Variants in RARB observed in about 807,000 individuals in gnomAD.
RARB encodes the protein retinoic acid receptor beta, also known as HBV-activated protein.
Under a neutral mutation model 51.9 loss-of-function variants are expected in RARB, and 17 were observed. That is an observed-to-expected ratio of 0.33 (90% confidence interval 0.22 to 0.49). RARB has a LOEUF of 0.49. Ranked by LOEUF, RARB falls within the 20% of genes least tolerant of loss-of-function variation. The pLI is 0.99. For synonymous variants in RARB, 215 were observed against 195.4 expected (o/e 1.10, Z -0.84); for missense variants, 369 against 550.8 (o/e 0.67, Z 3.30).
chr3:25,527,115 G>A (rs1334335593), intron 3 of RARB, among the ~76,000 whole-genome samples: 2 of 152,172 alleles, frequency 1.3e-5, no homozygotes, highest in Non-Finnish European at 2.9e-5. Context: ...TTGATAAAAT[G>A]CACATTCTGA....
intron 2 of RARB, among the ~76,000 whole-genome samples, chr3:25,028,857 G>A (rs1697808201): frequency 6.6e-6 from 1 of 152,184 alleles, no homozygotes; most frequent in African/African-American, 2.4e-5. Context: ...GCTTTTACTT[G>A]TCCCGTTCTG....
intron 1 of RARB, among the ~76,000 whole-genome samples, chr3:25,446,414 C>T (rs774959370): frequency 1.3e-5 from 2 of 152,228 alleles, no homozygotes; most frequent in Non-Finnish European, 2.9e-5. Flanking sequence ...CCATGGGGGG[C>T]AGAGTTGAAT....
At position 24,977,113 on chromosome 3, in the gene RARB, G is replaced by T. The variant is rs1018965273; in HGVS notation, c.-379-83012G>T. Among the ~76,000 whole-genome samples the T allele has an allele frequency of 3.9e-5, 6 of 152,014 alleles. No individual in the cohort carries two copies. The East Asian group carries it at 7.7e-4, about 20-fold the overall frequency. On this transcript the variant is annotated intron_variant, in intron 2 of 11. Coordinates refer to the RARB transcript ENST00000383772. ...TTTGAGGCCTCTGTTCTGTTCCATT[G>T]GTCTATATATCTGTTTTGGTACCGG...
intron 2 of RARB, among the ~76,000 whole-genome samples, chr3:24,993,806 T>A (rs924840813): frequency 6.6e-6 from 1 of 152,160 alleles, no homozygotes; most frequent in Non-Finnish European, 1.5e-5. Context: ...GATCCTCCAG[T>A]TCCATTCATT....
At chr3:25,406,335 T>G (rs1256578158) in intron 5 of RARB, among the ~76,000 whole-genome samples, 1 of 152,222 alleles carries the variant, frequency 6.6e-6, no homozygotes, top group Non-Finnish European at 1.5e-5. Flanking sequence ...ATTTGTCTGC[T>G]CAGGCTGCCG....
intron 2 of RARB, among the ~76,000 whole-genome samples, chr3:25,480,212 G>A (rs2364120): frequency 0.94 from 143,048 of 152,336 alleles, 67,249 homozygotes; most frequent in East Asian, 1. Flanking sequence ...GTAATAACAT[G>A]TGAGCACTGG....
At chr3:24,911,958 C>CAGT (rs1454157647) in intron 2 of RARB, among the ~76,000 whole-genome samples, 13 of 152,162 alleles carry the variant, frequency 8.5e-5, no homozygotes, top group African/African-American at 3.1e-4. Flanking sequence ...GGTGACAACA[C>CAGT]AGTACATAGG....
chr3:24,908,028 A>C (rs17015442), intron 2 of RARB, among the ~76,000 whole-genome samples: 2,073 of 152,208 alleles, frequency 0.014, 49 homozygotes, highest in African/African-American at 0.048. Context: ...CTTTATCAAC[A>C]TCCCAGAGAC....
rs7612585 is a variant in RARB, at chr3:25,206,586, C to T, written c.178+32011C>T. Among the ~76,000 whole-genome samples, 1,406 of 152,240 alleles carry T rather than the reference C, an allele frequency of 9.2e-3. 21 individuals carry two copies. The highest frequency in any genetic ancestry group is 0.033 in the African/African-American group (1,356 of 41,526). ...CATCTACCCATTTCAGATCATTTAT[C>T]TTTCTAAGCTTCCCGTGTGCTTGAG... On this transcript the variant is annotated intron_variant, in intron 5 of 11. Coordinates refer to the RARB transcript ENST00000383772.
chr3:25,257,673 C>T (rs2125405144), intron 5 of RARB, among the ~76,000 whole-genome samples: 1 of 152,228 alleles, frequency 6.6e-6, no homozygotes, highest in Admixed American at 6.5e-5. Context: ...CCTGATGCCT[C>T]CGCTCCTTCC....
intron 2 of RARB, among the ~76,000 whole-genome samples, chr3:25,042,268 C>T (rs1575132503): frequency 6.6e-6 from 1 of 152,172 alleles, no homozygotes; most frequent in Non-Finnish European, 1.5e-5. Context: ...ACTTGTTCAT[C>T]AACAGGTCTA....
intron 6 of RARB, among the ~76,000 whole-genome samples, chr3:25,593,956 TC>T (rs994145953): frequency 6.6e-6 from 1 of 152,152 alleles, no homozygotes; most frequent in Non-Finnish European, 1.5e-5. Context: ...AGATTTTTTT[TC>T]TTAAAGGCAG....
intron 4 of RARB, among the ~76,000 whole-genome samples, chr3:25,573,033 C>T (rs1394874630): frequency 6.6e-6 from 1 of 152,168 alleles, no homozygotes; most frequent in African/African-American, 2.4e-5. Context: ...TCCCTCACCA[C>T]TGATGAGCAG....
At chr3:24,921,976 C>A (rs533990201) in intron 2 of RARB, among the ~76,000 whole-genome samples, 1 of 152,160 alleles carries the variant, frequency 6.6e-6, no homozygotes, top group Non-Finnish European at 1.5e-5. Context: ...CAGATCTCAG[C>A]GGACAGTACT....
At position 25,093,726 on chromosome 3, in the gene RARB, A is replaced by G. The variant is rs146047549; in HGVS notation, c.-328+33550A>G. On this transcript the variant is annotated intron_variant, in intron 3 of 11. Coordinates refer to the RARB transcript ENST00000383772. ...GGGGTTTTTTTTTGCATGTCTCATG[A>G]TGACCATAGCTCCACCTGGACTGCA... is the stretch of plus-strand genomic sequence containing the variant. 2.1e-3 allele frequency among the ~76,000 whole-genome samples: 321 copies of G among 151,964 alleles called. 7 individuals are homozygous for G. Among genetic ancestry groups the G allele is most frequent in the East Asian group, 0.017 (88 of 5,144 alleles).
At chr3:24,888,607 G>C (rs957867678) in intron 2 of RARB, among the ~76,000 whole-genome samples, 4 of 152,024 alleles carry the variant, frequency 2.6e-5, no homozygotes, top group African/African-American at 9.7e-5. Context: ...TAAAACGACA[G>C]TAAAAAATTT....
intron 3 of RARB, among the ~76,000 whole-genome samples, chr3:25,091,756 A>G (rs894837474): frequency 9.2e-5 from 14 of 152,176 alleles, no homozygotes; most frequent in Non-Finnish European, 2.1e-4. Context: ...AAAAGACAAA[A>G]AATATCTATT....
intron 2 of RARB, among the ~76,000 whole-genome samples, chr3:25,010,938 C>T (rs1224137912): frequency 1.3e-5 from 2 of 152,094 alleles, no homozygotes. Context: ...ATGTGACCAT[C>T]GAGGCCAAGG....
intron 2 of RARB, among the ~76,000 whole-genome samples, chr3:24,956,866 C>A (rs9873747): frequency 0.44 from 67,128 of 151,970 alleles, 15,280 homozygotes; most frequent in East Asian, 0.61. Context: ...GGTTCTATGC[C>A]TGTAAGGGAA....
Sources: allele counts gnomAD v4.1 joint callset (sites outside exome capture counted in the v4.1 genomes callset), GRCh38; gene constraint gnomAD v4.1.1; transcripts MANE v1.5; gene names NCBI Gene and HGNC (gene_info 2026-07-23, HGNC 2026-07-21).